CES5A: variants seen among roughly 807,000 people sequenced by gnomAD.
CES5A encodes carboxylesterase 5.
In CES5A, 67 loss-of-function variants were observed where a neutral mutation model predicts 62.9. The observed-to-expected ratio is 1.07, with a 90% CI of 0.88 to 1.31. The LOEUF is 1.31. Ranked by LOEUF, CES5A falls within the 50% of genes most tolerant of loss-of-function variation. The pLI is 0.00. For synonymous variants in CES5A, 296 were observed against 280.8 expected, an observed-to-expected ratio of 1.05 and a Z score of -0.54; for missense variants, 748 against 708.5, an observed-to-expected ratio of 1.06 and a Z score of -0.63.
intron 2 of CES5A, among the ~76,000 whole-genome samples, chr16:55,947,576 G>C (rs915480021): frequency 6.6e-6 from 1 of 152,114 alleles, no homozygotes; most frequent in Non-Finnish European, 1.5e-5. Flanking sequence ...ATGGTGATAA[G>C]TGTTATGAGA....
intron 1 of CES5A, among the ~76,000 whole-genome samples, chr16:55,912,705 C>T (rs554795312): frequency 6.6e-6 from 1 of 152,138 alleles, no homozygotes; most frequent in African/African-American, 2.4e-5. Context: ...AGCAAATCCT[C>T]TACTTTGGCT....
intron 1 of CES5A, 35 bp from the exon 2 acceptor site, chr16:55,874,072 T>C: frequency 6.4e-7 from 1 of 1,557,266 alleles, no homozygotes. Flanking sequence ...AGGAGCAGGC[T>C]GGGGACAGGC....
chr16:55,938,158 C>A (rs754979085), intron 2 of CES5A, among the ~76,000 whole-genome samples: 2 of 152,114 alleles, frequency 1.3e-5, no homozygotes, highest in East Asian at 1.9e-4. Flanking sequence ...TTTTCCCTTT[C>A]GTCACAGGAA....
chr16:55,853,113 G>T, intron 9 of CES5A, 85 bp from the exon 10 acceptor site: 1 of 1,399,714 alleles, frequency 7.1e-7, no homozygotes, highest in Non-Finnish European at 1.0e-6. Flanking sequence ...GTATGATTCT[G>T]AATGCTTTAC....
intron 1 of CES5A, among the ~76,000 whole-genome samples, chr16:55,890,388 T>G (rs1250615474): frequency 6.6e-6 from 1 of 152,174 alleles, no homozygotes; most frequent in African/African-American, 2.4e-5. Flanking sequence ...TTTTTAATTT[T>G]ACTGTTTTGT....
At chr16:55,888,749 T>C (rs1162188999) in intron 1 of CES5A, among the ~76,000 whole-genome samples, 2 of 152,236 alleles carry the variant, frequency 1.3e-5, no homozygotes, top group African/African-American at 4.8e-5. Context: ...ATGGAGTTGA[T>C]TCTATTGTTA....
At chr16:55,855,622 C>T (rs1341412932) in intron 9 of CES5A, among the ~76,000 whole-genome samples, 2 of 152,198 alleles carry the variant, frequency 1.3e-5, no homozygotes, top group East Asian at 1.9e-4. Flanking sequence ...AACACCCCAA[C>T]ACCCACATTA....
chr16:55,954,073 C>T (rs1404673980), intron 1 of CES5A, among the ~76,000 whole-genome samples: 2 of 152,094 alleles, frequency 1.3e-5, no homozygotes, highest in African/African-American at 4.8e-5. Flanking sequence ...TGGTAACCAT[C>T]ATTCTACTCT....
chr16:55,916,063 C>T (rs1364046552), intron 1 of CES5A, among the ~76,000 whole-genome samples: 1 of 152,106 alleles, frequency 6.6e-6, no homozygotes, highest in Non-Finnish European at 1.5e-5. Context: ...AACTCAGAGG[C>T]TAGGGTTTTT....
chr16:55,893,552 T>C (rs962913868), intron 1 of CES5A, among the ~76,000 whole-genome samples: 10 of 152,074 alleles, frequency 6.6e-5, no homozygotes, highest in Admixed American at 6.6e-4. Context: ...CAAATAAAAA[T>C]TCTAAAGCTA....
chr16:55,847,767 A>G (rs1201544605), intron 11 of CES5A, among the ~76,000 whole-genome samples: 4 of 152,234 alleles, frequency 2.6e-5, no homozygotes, highest in African/African-American at 9.6e-5. Context: ...ATAAATATAT[A>G]ATGTATATGT....
At chr16:55,881,153 T>C (rs1313943698) in intron 1 of CES5A, among the ~76,000 whole-genome samples, 1 of 152,170 alleles carries the variant, frequency 6.6e-6, no homozygotes, top group Admixed American at 6.5e-5. Context: ...AAGACACTTG[T>C]ACTCTGGTAA....
intron 1 of CES5A, among the ~76,000 whole-genome samples, chr16:55,884,778 G>A (rs140012676): frequency 2.9e-3 from 443 of 152,128 alleles, no homozygotes; most frequent in Non-Finnish European, 4.5e-3. Flanking sequence ...TTTGTGTAGA[G>A]ACAGTGCCTC....
At chr16:55,874,164 A>G in intron 1 of CES5A, 127 bp from the exon 2 acceptor site, 1 of 801,678 alleles carries the variant, frequency 1.2e-6, no homozygotes, top group Non-Finnish European at 2.0e-6. Context: ...GGTGGTATCC[A>G]GGTTCCCTCT....
upstream of CES5A, among the ~76,000 whole-genome samples, chr16:55,876,688 T>TC (rs2142419960): frequency 6.6e-6 from 1 of 152,282 alleles, no homozygotes; most frequent in Non-Finnish European, 1.5e-5. Context: ...ACAGAAGGGT[T>TC]CCACATCTCA....
At chr16:55,905,898 C>T (rs904695993) in intron 1 of CES5A, among the ~76,000 whole-genome samples, 3 of 152,022 alleles carry the variant, frequency 2.0e-5, no homozygotes, top group Admixed American at 1.3e-4. Context: ...TTTTTTTAAT[C>T]GCCTAGGAAA....
rs182777791 is a variant in CES5A at position 55,880,710 on chromosome 16, A to T, written c.-255-6673T>A. Among the ~76,000 whole-genome samples, 49 of 152,310 alleles carry T rather than the reference A, an allele frequency of 3.2e-4. 1 individual carries two copies. The highest frequency in any genetic ancestry group is 6.0e-4 in the Non-Finnish European group (41 of 68,030). ...CTGCACTGAGGCGTGCATTAACACT[A>T]GCACCTCTAGGTATAGAGGCAAGGG... On this transcript the variant is annotated intron_variant, in intron 1 of 12. Transcript: ENST00000518005.
At chr16:55,910,129 C>A (rs1364915648) in intron 1 of CES5A, among the ~76,000 whole-genome samples, 1 of 152,164 alleles carries the variant, frequency 6.6e-6, no homozygotes, top group African/African-American at 2.4e-5. Flanking sequence ...TCTCAGGACA[C>A]AGAGAGCAAT....
intron 1 of CES5A, among the ~76,000 whole-genome samples, chr16:55,881,079 A>G (rs1262592066): frequency 1.3e-5 from 2 of 152,188 alleles, no homozygotes; most frequent in African/African-American, 2.4e-5. Context: ...GAGAACTATG[A>G]ATACCTGGCT....
Sources: gnomAD v4.1 joint callset for allele counts (sites outside exome capture counted in the v4.1 genomes callset) on GRCh38, gnomAD v4.1.1 for gene constraint, MANE v1.5 for transcripts, NCBI Gene and HGNC (gene_info 2026-07-23, HGNC 2026-07-21) for gene names.